Variants in LDLRAD4 observed in about 807,000 individuals in gnomAD.
The protein encoded by LDLRAD4 is low density lipoprotein receptor class A domain containing 4.
Under a neutral mutation model 17.0 loss-of-function variants are expected in LDLRAD4, and 5 were observed. The ratio of observed to expected loss-of-function variants is 0.29; its 90% confidence interval spans 0.15 to 0.62. The LOEUF (loss-of-function observed/expected upper bound fraction) is 0.62. Ranked by LOEUF, LDLRAD4 falls within the 20% of genes least tolerant of loss-of-function variation. The pLI, the probability that LDLRAD4 is intolerant of heterozygous loss-of-function variation, is 0.84. For missense variants in LDLRAD4, 340 were observed against 424.7 expected (o/e 0.80, Z 1.75); for synonymous variants, 168 against 171.8 (o/e 0.98, Z 0.17).
At chr18:13,402,910 C>A (rs549051079) in intron 2 of LDLRAD4, among the ~76,000 whole-genome samples, 1 of 152,310 alleles carries the variant, frequency 6.6e-6, no homozygotes, top group East Asian at 1.9e-4. Flanking sequence ...CTCCCACTGG[C>A]CTTCACAATC....
rs1414902072 is a variant in LDLRAD4, at chr18:13,365,430, TC to T, written c.-382-21910del. Among the ~76,000 whole-genome samples, 24 of 152,220 alleles carry T rather than the reference TC, an allele frequency of 1.6e-4. 1 individual carries two copies. Among genetic ancestry groups the T allele is most frequent in the Admixed American group, 1.5e-3 (23 of 15,286 alleles). On this transcript the variant is annotated intron_variant, in intron 1 of 5. Transcript: ENST00000359446. ...CAGGCTGTTGTGGAAGTGATAATTGTCAATATTTGTAGTGCGCTGTGAGAGT... is the reference window on the plus strand; with the variant it reads ...CAGGCTGTTGTGGAAGTGATAATTGTAATATTTGTAGTGCGCTGTGAGAGT...
intron 1 of LDLRAD4, among the ~76,000 whole-genome samples, chr18:13,267,452 G>T (rs1458991638): frequency 6.6e-6 from 1 of 152,236 alleles, no homozygotes; most frequent in Non-Finnish European, 1.5e-5. Flanking sequence ...AATTTGAGAA[G>T]AACGGGGACA....
chr18:13,503,442 C>T (rs930131779), intron 3 of LDLRAD4, among the ~76,000 whole-genome samples: 5 of 150,664 alleles, frequency 3.3e-5, no homozygotes, highest in Non-Finnish European at 7.4e-5. Context: ...TAAAATTACC[C>T]TAAAGACTCT....
Position 13,532,730 on chromosome 18 carries a change from G to T in LDLRAD4, c.182-88387G>T, listed in dbSNP as rs370146485. 2.6e-5 allele frequency among the ~76,000 whole-genome samples: 4 copies of T among 152,382 alleles called. No individual in the cohort carries two copies. In the East Asian group the frequency reaches 7.7e-4, roughly 29 times the overall value. On this transcript the variant is annotated intron_variant, in intron 3 of 5. Coordinates refer to ENST00000359446, the Ensembl canonical transcript of LDLRAD4. ...TGGCAGGACAGAGGCATGTTCATCT[G>T]TGTAATCAGGTTTAATAGCAGTGGC...
intron 3 of LDLRAD4, among the ~76,000 whole-genome samples, chr18:13,506,496 CG>C (rs1345342645): frequency 1.3e-5 from 2 of 151,556 alleles, no homozygotes; most frequent in African/African-American, 4.9e-5. Flanking sequence ...TTTGATGACC[CG>C]TTTTTATAAA....
At chr18:13,377,561 C>T (rs1341051804) in intron 1 of LDLRAD4, among the ~76,000 whole-genome samples, 3 of 152,110 alleles carry the variant, frequency 2.0e-5, no homozygotes, top group Admixed American at 2.0e-4. Context: ...GTGGTTGAAC[C>T]GAAGTTTAAG....
At chr18:13,579,202 TA>T (rs201136846) in intron 3 of LDLRAD4, among the ~76,000 whole-genome samples, 3 of 151,702 alleles carry the variant, frequency 2.0e-5, no homozygotes, top group South Asian at 2.1e-4. Flanking sequence ...AAAATAAAAA[TA>T]AAAAAAATAT....
At chr18:13,486,048 A>G (rs1018047536) in intron 3 of LDLRAD4, among the ~76,000 whole-genome samples, 4 of 152,178 alleles carry the variant, frequency 2.6e-5, no homozygotes, top group African/African-American at 9.7e-5. Flanking sequence ...CCTCTGCTGA[A>G]GTAGCTCTGG....
intron 1 of LDLRAD4, among the ~76,000 whole-genome samples, chr18:13,342,213 G>A (rs965314981): frequency 6.6e-6 from 1 of 151,856 alleles, no homozygotes; most frequent in African/African-American, 2.4e-5. Flanking sequence ...ATAATGTCTT[G>A]GTATAGTTTC....
At chr18:13,575,502 C>T (rs548859225) in intron 3 of LDLRAD4, among the ~76,000 whole-genome samples, 5 of 152,344 alleles carry the variant, frequency 3.3e-5, no homozygotes, top group African/African-American at 4.8e-5. Flanking sequence ...CATATCTTTG[C>T]AGCTGTGAAT....
rs374009205 is a variant in LDLRAD4 at position 13,340,061 on chromosome 18, G to A, written c.-382-47280G>A. On this transcript the variant is annotated intron_variant, in intron 1 of 5. Coordinates refer to ENST00000359446, the Ensembl canonical transcript of LDLRAD4. ...TTTTGTGACTGGCTTATTTCACTGA[G>A]CATAATGTTCATTTATGATGTAGCA... Among the ~76,000 whole-genome samples the A allele has an allele frequency of 2.6e-5, 4 of 152,254 alleles. No individual in the cohort carries two copies. The East Asian group carries it at 5.8e-4, about 22-fold the overall frequency.
intron 3 of LDLRAD4, among the ~76,000 whole-genome samples, chr18:13,608,379 C>T (rs2148685225): frequency 6.6e-6 from 1 of 152,138 alleles, no homozygotes; most frequent in South Asian, 2.1e-4. Context: ...ACCGAGAAGC[C>T]CTGGGGGTGA....
intron 5 of LDLRAD4, chr18:13,644,875 C>G (rs1157005142): frequency 2.0e-6 from 1 of 488,020 alleles, no homozygotes; most frequent in Non-Finnish European, 3.6e-6. Flanking sequence ...CTTTCCATTA[C>G]CCACAGCTCT....
intron 3 of LDLRAD4, among the ~76,000 whole-genome samples, chr18:13,483,870 A>G (rs923695558): frequency 6.6e-6 from 1 of 152,044 alleles, no homozygotes; most frequent in Non-Finnish European, 1.5e-5. Flanking sequence ...GGTCCTATGA[A>G]GGTCTCTCTC....
intron 1 of LDLRAD4, among the ~76,000 whole-genome samples, chr18:13,255,385 G>A (rs2043449070): frequency 6.6e-6 from 1 of 152,222 alleles, no homozygotes; most frequent in Non-Finnish European, 1.5e-5. Context: ...TGACCATATG[G>A]GTACTGGGGA....
At chr18:13,273,447 C>T (rs1207829127), upstream of LDLRAD4, among the ~76,000 whole-genome samples, 4 of 152,268 alleles carry the variant, frequency 2.6e-5, no homozygotes, top group South Asian at 8.3e-4. Context: ...ACTATAGGTG[C>T]GCACCACCAC....
chr18:13,626,882 A>C (rs568293828), intron 4 of LDLRAD4, among the ~76,000 whole-genome samples: 1 of 152,364 alleles, frequency 6.6e-6, no homozygotes, highest in Admixed American at 6.5e-5. Flanking sequence ...CTCTCCCCAC[A>C]AGTCCCTCTC....
At chr18:13,633,243 A>T (rs953666830) in intron 4 of LDLRAD4, among the ~76,000 whole-genome samples, 3 of 152,262 alleles carry the variant, frequency 2.0e-5, no homozygotes. Context: ...GAGGAAGTGC[A>T]TGCTGATTGG....
intron 3 of LDLRAD4, among the ~76,000 whole-genome samples, chr18:13,506,119 C>T (rs1010909500): frequency 6.6e-6 from 1 of 152,174 alleles, no homozygotes; most frequent in African/African-American, 2.4e-5. Flanking sequence ...CGTCTTTGTC[C>T]CGTTCCTTAT....
Sources: gnomAD v4.1 joint callset for allele counts (sites outside exome capture counted in the v4.1 genomes callset) on GRCh38, gnomAD v4.1.1 for gene constraint, MANE v1.5 for transcripts, NCBI Gene and HGNC (gene_info 2026-07-23, HGNC 2026-07-21) for gene names.